EIF4G3: variants seen among roughly 807,000 people sequenced by gnomAD.
EIF4G3 encodes the protein eukaryotic translation initiation factor 4 gamma 3.
EIF4G3 carries 34 observed loss-of-function variants against 186.4 expected under a neutral mutation model. That is an observed-to-expected ratio of 0.18 (90% CI 0.14 to 0.24). The LOEUF (loss-of-function observed/expected upper bound fraction) is 0.24. Among genes scored for constraint, EIF4G3 ranks in the 10% least tolerant of loss-of-function variants. The probability of loss-of-function intolerance (pLI) is 1.00; values close to 1 mark genes in which losing one functional copy is unlikely to be tolerated. For synonymous variants in EIF4G3, 673 were observed against 679.5 expected, an observed-to-expected ratio of 0.99 and a Z score of 0.15; for missense variants, 1,536 against 1,948.5, an observed-to-expected ratio of 0.79 and a Z score of 3.99.
intron 2 of EIF4G3, among the ~76,000 whole-genome samples, chr1:21,141,185 G>A (rs1405185396): frequency 6.6e-6 from 1 of 152,142 alleles, no homozygotes; most frequent in East Asian, 1.9e-4. Flanking sequence ...GTCTGCCCAA[G>A]GTCATACTAC....
chr1:20,984,389 T>C (rs1213223347), intron 7 of EIF4G3, among the ~76,000 whole-genome samples: 1 of 151,790 alleles, frequency 6.6e-6, no homozygotes, highest in African/African-American at 2.4e-5. Flanking sequence ...TGGTCTCGAA[T>C]ACCTGACCTT....
chr1:21,126,157 T>A (rs1218987817), intron 2 of EIF4G3, among the ~76,000 whole-genome samples: 2 of 150,360 alleles, frequency 1.3e-5, no homozygotes, highest in South Asian at 2.1e-4. Context: ...CAGCGAGCCA[T>A]AATCATGCCA....
intron 3 of EIF4G3, among the ~76,000 whole-genome samples, chr1:21,066,237 G>T (rs1049050405): frequency 3.2e-4 from 48 of 151,414 alleles, no homozygotes; most frequent in African/African-American, 9.9e-4. Context: ...ATGGCGGGAG[G>T]GGGAGGGATG....
chr1:21,104,001 A>C (rs921664543), intron 2 of EIF4G3, among the ~76,000 whole-genome samples: 1 of 152,178 alleles, frequency 6.6e-6, no homozygotes, highest in Non-Finnish European at 1.5e-5. Flanking sequence ...TAAACTGTGT[A>C]ATCATAGTTA....
At chr1:21,160,496 A>T (rs1318825352) in intron 2 of EIF4G3, among the ~76,000 whole-genome samples, 3 of 152,200 alleles carry the variant, frequency 2.0e-5, no homozygotes, top group African/African-American at 7.2e-5. Context: ...CTTATCAACT[A>T]CAAAAGGAAA....
intron 18 of EIF4G3, among the ~76,000 whole-genome samples, chr1:20,887,620 C>T (rs1233242468): frequency 6.7e-6 from 1 of 150,002 alleles, no homozygotes; most frequent in East Asian, 2.0e-4. Flanking sequence ...GGATACAGTA[C>T]TGATGATATC....
intron 2 of EIF4G3, among the ~76,000 whole-genome samples, chr1:21,133,837 T>TC (rs2097195040): frequency 1.3e-5 from 2 of 152,162 alleles, no homozygotes; most frequent in Non-Finnish European, 2.9e-5. Context: ...CCCCTAGTCC[T>TC]CCCCATTATC....
intron 7 of EIF4G3, among the ~76,000 whole-genome samples, chr1:20,982,977 C>A (rs1049860866): frequency 6.6e-6 from 1 of 152,112 alleles, no homozygotes; most frequent in Non-Finnish European, 1.5e-5. Context: ...TGTGGTCTTG[C>A]ACCAAAATAA....
chr1:21,027,036 A>G (rs1341273928), intron 4 of EIF4G3, among the ~76,000 whole-genome samples: 1 of 151,992 alleles, frequency 6.6e-6, no homozygotes, highest in Non-Finnish European at 1.5e-5. Flanking sequence ...GGCAAAGGAC[A>G]CGAATAGACA....
intron 12 of EIF4G3, among the ~76,000 whole-genome samples, chr1:20,963,376 TA>T (rs201200427): frequency 8.3e-5 from 11 of 131,950 alleles, no homozygotes; most frequent in Non-Finnish European, 1.8e-4. Flanking sequence ...GGGTCAACTG[TA>T]ATTAATAAAT....
chr1:20,809,908 G>A (rs2058889975), intron 36 of EIF4G3, among the ~76,000 whole-genome samples: 1 of 136,748 alleles, frequency 7.3e-6, no homozygotes, highest in African/African-American at 2.5e-5. Flanking sequence ...CCCTGGAATG[G>A]GGATGAAATA....
chr1:21,161,296 G>C (rs1341425340), intron 2 of EIF4G3, among the ~76,000 whole-genome samples: 1 of 151,974 alleles, frequency 6.6e-6, no homozygotes, highest in Admixed American at 6.6e-5. Flanking sequence ...CTCAGGTCAG[G>C]AGTTCAAGAC....
At chr1:20,845,935 G>A (rs1490226080) in intron 29 of EIF4G3, among the ~76,000 whole-genome samples, 2 of 152,170 alleles carry the variant, frequency 1.3e-5, no homozygotes, top group Non-Finnish European at 2.9e-5. Context: ...CTATCCACAA[G>A]CATGGGATGT....
At chr1:20,818,561 G>C (rs1224895318) in intron 33 of EIF4G3, among the ~76,000 whole-genome samples, 1 of 152,140 alleles carries the variant, frequency 6.6e-6, no homozygotes, top group African/African-American at 2.4e-5. Flanking sequence ...AGGATTGCTT[G>C]AGCATGGGAG....
At chr1:21,005,477 T>C (rs922620405) in intron 4 of EIF4G3, among the ~76,000 whole-genome samples, 2 of 152,186 alleles carry the variant, frequency 1.3e-5, no homozygotes, top group African/African-American at 4.8e-5. Flanking sequence ...ATACTTCAAT[T>C]AGAGGAACAC....
In EIF4G3 at chr1:21,020,279, A is replaced by G. The variant is rs558348393; in HGVS notation, c.-66-17471T>C. ...GAGGTGAGAAGATTGCTTGAGCTTAAAAGTTCAAGACCAGCCTGGGTAACA... is the reference window on the plus strand; with the variant it reads ...GAGGTGAGAAGATTGCTTGAGCTTAGAAGTTCAAGACCAGCCTGGGTAACA... On this transcript the variant is annotated intron_variant, in intron 4 of 36. Transcript: ENST00000602326. Among the ~76,000 whole-genome samples, 5 of 152,070 alleles carry G rather than the reference A, an allele frequency of 3.3e-5. 1 individual carries two copies. The South Asian group carries it at 1.0e-3, about 32-fold the overall frequency.
chr1:21,045,520 C>T (rs1302855170), intron 4 of EIF4G3, among the ~76,000 whole-genome samples: 1 of 152,154 alleles, frequency 6.6e-6, no homozygotes, highest in Non-Finnish European at 1.5e-5. Flanking sequence ...ACACCTATTA[C>T]CTCACTTCTT....
At chr1:21,144,381 G>A (rs182114827) in intron 2 of EIF4G3, among the ~76,000 whole-genome samples, 2 of 152,058 alleles carry the variant, frequency 1.3e-5, no homozygotes, top group Admixed American at 1.3e-4. Flanking sequence ...AGCTCTTTGA[G>A]CAGCTAGGAC....
At chr1:21,083,669 T>C (rs2100930823) in intron 3 of EIF4G3, among the ~76,000 whole-genome samples, 1 of 152,200 alleles carries the variant, frequency 6.6e-6, no homozygotes, top group East Asian at 1.9e-4. Flanking sequence ...TGACAGTAGT[T>C]TTAAATAGTA....
Sources: gnomAD v4.1 joint callset for allele counts (sites outside exome capture counted in the v4.1 genomes callset) on GRCh38, gnomAD v4.1.1 for gene constraint, MANE v1.5 for transcripts, NCBI Gene and HGNC (gene_info 2026-07-23, HGNC 2026-07-21) for gene names.